LTBP1: variants seen among roughly 807,000 people sequenced by gnomAD.
LTBP1 encodes the protein latent transforming growth factor beta binding protein 1, also known as latent-transforming growth factor beta-binding protein 1.
LTBP1 carries 129 observed loss-of-function variants against 207.6 expected under a neutral mutation model. That is an observed-to-expected ratio of 0.62 (90% CI 0.54 to 0.72). LTBP1 has a LOEUF of 0.72. Among genes scored for constraint, LTBP1 ranks in the 30% least tolerant of loss-of-function variants. LTBP1 has a pLI of 0.00. For missense variants in LTBP1, 2,281 were observed against 2,217.2 expected, an observed-to-expected ratio of 1.03 and a Z score of -0.58; for synonymous variants, 963 against 833.7, an observed-to-expected ratio of 1.16 and a Z score of -2.67.
At chr2:32,978,655 G>GT (rs897806923) in intron 2 of LTBP1, among the ~76,000 whole-genome samples, 9 of 133,984 alleles carry the variant, frequency 6.7e-5, no homozygotes, top group East Asian at 2.2e-4. Context: ...TTGGCCTGTA[G>GT]TTTTTTTTTA....
At chr2:33,174,695 C>T (rs1197655621) in intron 5 of LTBP1, among the ~76,000 whole-genome samples, 1 of 152,164 alleles carries the variant, frequency 6.6e-6, no homozygotes, top group Non-Finnish European at 1.5e-5. Context: ...GCCCGCATCG[C>T]AAAGTGAATC....
intron 32 of LTBP1, among the ~76,000 whole-genome samples, chr2:33,394,010 T>C (rs2095338855): frequency 6.6e-6 from 1 of 151,660 alleles, no homozygotes; most frequent in Non-Finnish European, 1.5e-5. Flanking sequence ...GGTATCTCAT[T>C]GTGGTTTTGA....
At position 33,293,255 on chromosome 2, in the gene LTBP1, C is replaced by G; in HGVS notation, c.3208C>G (p.Arg1070Gly). 2 of 1,613,748 alleles carry G rather than the reference C, an allele frequency of 1.2e-6. No individual in the cohort carries two copies. The highest frequency in any genetic ancestry group is 8.5e-7 in the Non-Finnish European group (1 of 1,179,904). Reference protein sequence around the residue: ...YMCSCHKGYTRTPDHKHCRDI... With the variant: ...YMCSCHKGYTGTPDHKHCRDI... ...GTGTTCATGCCACAAAGGCTATACC[C>G]GGACTCCGGACCACAAGCACTGTAG... is the stretch of plus-strand genomic sequence containing the variant. The change falls in exon 20 of 34, where the codon CGG becomes GGG. Residue 1070 changes from arginine (R) to glycine (G), a missense_variant. Around this residue, in one of 3 missense-constraint regions of LTBP1, gnomAD observed 1,671 missense variants for 1,634.8 expected, o/e 1.02. Coordinates refer to ENST00000404816, the MANE Select transcript of LTBP1 (RefSeq NM_206943.4).
At chr2:33,150,273 T>C (rs1404360832) in intron 5 of LTBP1, among the ~76,000 whole-genome samples, 6 of 152,172 alleles carry the variant, frequency 3.9e-5, no homozygotes, top group Non-Finnish European at 5.9e-5. Flanking sequence ...CTTTTTTACT[T>C]GAATGAAATG....
At chr2:33,119,312 C>T (rs2080966334) in intron 4 of LTBP1, among the ~76,000 whole-genome samples, 1 of 152,110 alleles carries the variant, frequency 6.6e-6, no homozygotes, top group Admixed American at 6.5e-5. Context: ...GTTGATTTTA[C>T]TTCTGGATTG....
At chr2:33,229,499 G>C (rs72799705) in intron 9 of LTBP1, among the ~76,000 whole-genome samples, 26,877 of 152,000 alleles carry the variant, frequency 0.18, 3,075 homozygotes, top group Admixed American at 0.26. Flanking sequence ...AAGGGAGGAA[G>C]GAAGGAGAGA....
intron 2 of LTBP1, among the ~76,000 whole-genome samples, chr2:32,955,188 G>T (rs1677879389): frequency 6.6e-6 from 1 of 152,174 alleles, no homozygotes; most frequent in Admixed American, 6.5e-5. Context: ...CTTTATGTGG[G>T]AATTTAAAGG....
intron 24 of LTBP1, among the ~76,000 whole-genome samples, chr2:33,332,270 T>C (rs1207070654): frequency 6.7e-6 from 1 of 149,792 alleles, no homozygotes; most frequent in Non-Finnish European, 1.5e-5. Context: ...TGGTGGTGGG[T>C]ACCTGTAGTT....
chr2:32,971,006 G>T (rs1449245911), intron 2 of LTBP1, among the ~76,000 whole-genome samples: 1 of 15,796 alleles, frequency 6.3e-5, no homozygotes, highest in Non-Finnish European at 3.2e-4. Context: ...AGGTATTTGT[G>T]TGTGTGTGTG....
At chr2:33,269,339 G>A (rs541432173) in intron 15 of LTBP1, among the ~76,000 whole-genome samples, 1 of 152,038 alleles carries the variant, frequency 6.6e-6, no homozygotes, top group Non-Finnish European at 1.5e-5. Flanking sequence ...CCATATTCTA[G>A]ATGGACTCCA....
At chr2:33,352,155 GGA>G (rs908570983) in intron 26 of LTBP1, among the ~76,000 whole-genome samples, 2 of 151,848 alleles carry the variant, frequency 1.3e-5, no homozygotes, top group Admixed American at 1.3e-4. Context: ...TTTTTGAGAT[GGA>G]GTCTTGCTCT....
intron 9 of LTBP1, among the ~76,000 whole-genome samples, chr2:33,229,912 C>T (rs2091691056): frequency 6.6e-6 from 1 of 152,154 alleles, no homozygotes; most frequent in South Asian, 2.1e-4. Context: ...CTCAAGGAGG[C>T]ACTGCTAAAT....
chr2:33,312,580 A>G (rs1466696776), intron 23 of LTBP1, among the ~76,000 whole-genome samples: 1 of 152,172 alleles, frequency 6.6e-6, no homozygotes, highest in South Asian at 2.1e-4. Flanking sequence ...TGAAGTTACT[A>G]GCAGCATAGT....
At chr2:33,060,651 CTGTGTGTGTG>C (rs10693285) in intron 3 of LTBP1, among the ~76,000 whole-genome samples, 6 of 146,650 alleles carry the variant, frequency 4.1e-5, no homozygotes, top group Non-Finnish European at 6.0e-5. Flanking sequence ...AAATTCAGAT[CTGTGTGTGTG>C]TGTGTGTGTG....
intron 2 of LTBP1, among the ~76,000 whole-genome samples, chr2:32,982,902 C>T (rs1013724148): frequency 1.1e-4 from 16 of 152,218 alleles, no homozygotes; most frequent in Non-Finnish European, 2.2e-4. Flanking sequence ...TCTGTTACGG[C>T]AGTGCAGAAG....
At position 33,008,081 on chromosome 2, in the gene LTBP1, G is replaced by T. The variant is rs192100929; in HGVS notation, c.566-12828G>T. Reference sequence around the variant, plus strand: ...CCAAGTTTCAGATGTTGATTTGCAAGTTGGCAGTCATTTCTGTTTTATAAA... The same window carrying T: ...CCAAGTTTCAGATGTTGATTTGCAATTTGGCAGTCATTTCTGTTTTATAAA... On this transcript the variant is annotated intron_variant, in intron 2 of 33. Transcript: ENST00000404816. Among the ~76,000 whole-genome samples the T allele has an allele frequency of 4.3e-3, 656 of 152,180 alleles. 6 individuals are homozygous for T. Among genetic ancestry groups the T allele is most frequent in the Middle Eastern group, 0.014 (4 of 294 alleles).
At chr2:33,258,313 A>T (rs932103358) in intron 12 of LTBP1, among the ~76,000 whole-genome samples, 2 of 152,208 alleles carry the variant, frequency 1.3e-5, no homozygotes, top group Non-Finnish European at 2.9e-5. Context: ...ATTTTCTCTA[A>T]TAAAGCTCCT....
rs61179206 is a variant in LTBP1 at position 32,950,554 on chromosome 2, C to CA, written c.565+1630dup. Among the ~76,000 whole-genome samples, 466 of 114,840 alleles carry CA rather than the reference C, an allele frequency of 4.1e-3. 1 individual carries two copies. The highest frequency in any genetic ancestry group is 5.7e-3 in the Non-Finnish European group (322 of 56,246). 75.3% of individuals were successfully genotyped at this position (114,840 alleles called of 152,430 possible). Reference sequence around the variant, plus strand: ...AGCCTGGGTGACAATGACTCTGTCTCAAAAAAAAAAAAAAAAAAAAATTAC... The same window carrying CA: ...AGCCTGGGTGACAATGACTCTGTCTCAAAAAAAAAAAAAAAAAAAAAATTAC... On this transcript the variant is annotated intron_variant, in intron 2 of 33. Transcript: ENST00000404816.
At chr2:33,310,393 C>A (rs970677932) in intron 23 of LTBP1, among the ~76,000 whole-genome samples, 16 of 152,202 alleles carry the variant, frequency 1.1e-4, no homozygotes, top group Admixed American at 7.2e-4. Context: ...AACACAGCAA[C>A]ACAACACAGG....
Sources: gnomAD v4.1 joint callset for allele counts (sites outside exome capture counted in the v4.1 genomes callset) on GRCh38, gnomAD v4.1.1 for gene constraint, gnomAD v4.1.1 regional missense constraint, MANE v1.5 for transcripts, NCBI Gene and HGNC (gene_info 2026-07-23, HGNC 2026-07-21) for gene names.